Variants in FBXO4 observed in about 807,000 individuals in gnomAD.
FBXO4 encodes F-box only protein 4.
A neutral mutation model predicts 43.7 loss-of-function variants in FBXO4; 36 were observed. The observed-to-expected ratio is 0.82, with a 90% CI of 0.63 to 1.09. The LOEUF (loss-of-function observed/expected upper bound fraction) is 1.09, where lower values mean the gene tolerates loss of function less well. Ranked by LOEUF, FBXO4 falls within the 50% of genes least tolerant of loss-of-function variation. FBXO4 has a pLI of 0.00. For missense variants in FBXO4, 435 were observed against 474.1 expected (o/e 0.92, Z 0.77); for synonymous variants, 180 against 165.6 (o/e 1.09, Z -0.67).
At chr5:41,927,646 T>TTA (rs1321962580) in intron 2 of FBXO4, among the ~76,000 whole-genome samples, 1 of 152,216 alleles carries the variant, frequency 6.6e-6, no homozygotes, top group Non-Finnish European at 1.5e-5. Flanking sequence ...AGAAATAAGA[T>TTA]TATATTAGCA....
chr5:41,992,858 T>A, the FBXO4 span, among the ~76,000 whole-genome samples: 1 of 152,228 alleles, frequency 6.6e-6, no homozygotes, highest in East Asian at 1.9e-4. Flanking sequence ...ACTGCCAGAT[T>A]TGAAGACTTC....
chr5:41,996,532 T>C, the FBXO4 span, among the ~76,000 whole-genome samples: 1 of 152,196 alleles, frequency 6.6e-6, no homozygotes, highest in South Asian at 2.1e-4. Flanking sequence ...CTGGGTCAGA[T>C]GGCCCAAGTG....
At chr5:41,999,545 GTATATA>G in the FBXO4 span, among the ~76,000 whole-genome samples, 1 of 103,412 alleles carries the variant, frequency 9.7e-6, no homozygotes, top group Non-Finnish European at 1.8e-5. Flanking sequence ...ACATATATAT[GTATATA>G]TATATATATA....
At chr5:41,988,247 A>C in the FBXO4 span, among the ~76,000 whole-genome samples, 2 of 152,146 alleles carry the variant, frequency 1.3e-5, no homozygotes, top group African/African-American at 4.8e-5. Context: ...AGGATAGCTA[A>C]AGTGGGCTGG....
the FBXO4 span, among the ~76,000 whole-genome samples, chr5:42,037,095 T>A: frequency 1.3e-5 from 2 of 152,130 alleles, no homozygotes; most frequent in Admixed American, 1.3e-4. Context: ...TATTTTTGCA[T>A]GGCTTCTATG....
At chr5:42,030,956 C>A in the FBXO4 span, among the ~76,000 whole-genome samples, 2 of 152,098 alleles carry the variant, frequency 1.3e-5, no homozygotes, top group Admixed American at 6.6e-5. Context: ...AGTCAGGAAA[C>A]AACAGGTGCT....
chr5:42,039,844 AAAAGAATGCCTAGAT>A, the FBXO4 span, among the ~76,000 whole-genome samples: 1 of 152,136 alleles, frequency 6.6e-6, no homozygotes, highest in Admixed American at 6.6e-5. Flanking sequence ...TGACTCATTT[AAAAGAATGCCTAGAT>A]TTTTCCGGAG....
the FBXO4 span, among the ~76,000 whole-genome samples, chr5:42,032,850 GA>G: frequency 6.6e-6 from 1 of 152,166 alleles, no homozygotes; most frequent in Admixed American, 6.5e-5. Flanking sequence ...AGTCTCACCT[GA>G]AGACAGCAGG....
At chr5:41,934,680 A>AT (rs1751804516) in intron 5 of FBXO4, 1 of 1,079,672 alleles carries the variant, frequency 9.3e-7, no homozygotes, top group African/African-American at 1.6e-5. Context: ...TGATACTGAC[A>AT]TTTTGTCTGC....
chr5:42,037,467 A>G, the FBXO4 span, among the ~76,000 whole-genome samples: 1 of 152,164 alleles, frequency 6.6e-6, no homozygotes, highest in African/African-American at 2.4e-5. Context: ...AAGGGAGGGG[A>G]AAAACAAAAA....
At chr5:41,940,463 T>C (rs1237113089) in intron 6 of FBXO4, among the ~76,000 whole-genome samples, 3 of 152,054 alleles carry the variant, frequency 2.0e-5, no homozygotes, top group Non-Finnish European at 4.4e-5. Context: ...GGTTTCACCA[T>C]GTTGGCCAGG....
chr5:42,033,216 C>T, the FBXO4 span, among the ~76,000 whole-genome samples: 2,426 of 152,164 alleles, frequency 0.016, 118 homozygotes, highest in East Asian at 0.1. Context: ...CCTTTAGCTT[C>T]CCCAGCTGGC....
the FBXO4 span, among the ~76,000 whole-genome samples, chr5:42,033,036 C>G: frequency 1.3e-5 from 2 of 152,102 alleles, no homozygotes. Context: ...TGGAATGGGG[C>G]CTGATGACTT....
the FBXO4 span, among the ~76,000 whole-genome samples, chr5:42,028,768 A>G: frequency 6.6e-6 from 1 of 151,902 alleles, no homozygotes; most frequent in African/African-American, 2.4e-5. Context: ...TAACCTGATA[A>G]CAACTTAACA....
chr5:41,947,792 T>TTA, the FBXO4 span, among the ~76,000 whole-genome samples: 1 of 152,154 alleles, frequency 6.6e-6, no homozygotes, highest in Non-Finnish European at 1.5e-5. Flanking sequence ...TTTTGAGTGA[T>TTA]GATAGTTTCT....
the FBXO4 span, among the ~76,000 whole-genome samples, chr5:41,954,754 G>T: frequency 6.6e-6 from 1 of 152,124 alleles, no homozygotes. Flanking sequence ...ATGTTTAGCT[G>T]AAGTGAAGGG....
the FBXO4 span, among the ~76,000 whole-genome samples, chr5:41,991,652 C>A: frequency 6.6e-6 from 1 of 152,166 alleles, no homozygotes; most frequent in Non-Finnish European, 1.5e-5. Flanking sequence ...ATTTTTTGCT[C>A]TCTCCTAAAA....
At chr5:41,940,429 T>G (rs1030503348) in intron 6 of FBXO4, among the ~76,000 whole-genome samples, 1 of 151,948 alleles carries the variant, frequency 6.6e-6, no homozygotes, top group South Asian at 2.1e-4. Context: ...ACCTGGCTAA[T>G]TTTTGTATTT....
chr5:41,962,721 T>C, the FBXO4 span, among the ~76,000 whole-genome samples: 2 of 152,164 alleles, frequency 1.3e-5, no homozygotes, highest in African/African-American at 2.4e-5. Flanking sequence ...AAGTTTCTCT[T>C]AGCATTCCTA....
Sources: gnomAD v4.1 joint callset for allele counts (sites outside exome capture counted in the v4.1 genomes callset) on GRCh38, gnomAD v4.1.1 for gene constraint, MANE v1.5 for transcripts, NCBI Gene and HGNC (gene_info 2026-07-23, HGNC 2026-07-21) for gene names.